The following PFKM variants were observed in gnomAD, a reference collection of about 807,000 sequenced individuals.
The protein encoded by PFKM is phosphofructokinase, muscle.
PFKM carries 58 observed loss-of-function variants against 95.5 expected under a neutral mutation model. The observed-to-expected ratio is 0.61, with a 90% CI of 0.49 to 0.76. PFKM has a LOEUF of 0.76. Among genes scored for constraint, PFKM ranks in the 30% least tolerant of loss-of-function variants. The pLI is 0.00. For missense variants in PFKM, 678 were observed against 1,005.4 expected (o/e 0.67, Z 4.40); for synonymous variants, 336 against 357.2 (o/e 0.94, Z 0.67).
chr12:48,124,736 T>A (rs1592672920), intron 2 of PFKM, among the ~76,000 whole-genome samples: 1 of 152,032 alleles, frequency 6.6e-6, no homozygotes, highest in South Asian at 2.1e-4. Context: ...CACCTGCAAA[T>A]CCCCATAACA....
At chr12:48,134,360 C>A in intron 7 of PFKM, 84 bp downstream of exon 7, 1 of 1,144,940 alleles carries the variant, frequency 8.7e-7, no homozygotes, top group Non-Finnish European at 1.3e-6. Context: ...TGAGGTCTCT[C>A]AGTAGCAGCA....
chr12:48,138,701 G>A lies in PFKM; in HGVS notation c.1063-584G>A, dbSNP rs571557922. On this transcript the variant is annotated intron_variant, in intron 11 of 22. Coordinates refer to ENST00000359794, the MANE Select transcript of PFKM (RefSeq NM_000289.6). ...CTGCTTTAAGGCCGGGGACCTGGGT[G>A]TGGAATGGAAGATACTATTTATCTG... 5.3e-5 allele frequency among the ~76,000 whole-genome samples: 8 copies of A among 152,306 alleles called. No homozygotes were observed. The South Asian group carries it at 6.2e-4, about 12-fold the overall frequency.
intron 11 of PFKM, among the ~76,000 whole-genome samples, chr12:48,138,783 G>A (rs1014829348): frequency 6.6e-6 from 1 of 152,146 alleles, no homozygotes; most frequent in African/African-American, 2.4e-5. Context: ...TGCCAGGCAC[G>A]GTGGCTCACG....
chr12:48,133,192 C>A, intron 5 of PFKM, 123 bp from the exon 6 acceptor site: 1 of 1,269,916 alleles, frequency 7.9e-7, no homozygotes, highest in Non-Finnish European at 1.1e-6. Context: ...GCAGTCTTTG[C>A]CCTCCTTTTT....
At position 48,134,283 on chromosome 12, in the gene PFKM, T is replaced by A. The variant is rs752651041; in HGVS notation, c.638+7T>A. 1 of 1,611,080 alleles carries A rather than the reference T, an allele frequency of 6.2e-7. No individual in the cohort carries two copies. The highest frequency in any genetic ancestry group is 1.7e-5 in the Admixed American group (1 of 60,026). On this transcript the variant is annotated splice_region_variant and intron_variant, in intron 7 of 22. Coordinates refer to ENST00000359794, the MANE Select transcript of PFKM (RefSeq NM_000289.6). ...TAATGGGCCGCCACTGTGGGTAAGATCCTCATTCTGACCCATTTATTCCGT... is the reference window on the plus strand; with the variant it reads ...TAATGGGCCGCCACTGTGGGTAAGAACCTCATTCTGACCCATTTATTCCGT...
intron 1 of PFKM, chr12:48,107,296 C>A (rs1946757634): frequency 1.1e-6 from 1 of 951,404 alleles, no homozygotes; most frequent in African/African-American, 1.6e-5. Context: ...TGTAGCTGGT[C>A]CATGTCAGTC....
At chr12:48,112,068 G>A (rs1323789663) in intron 3 of PFKM, among the ~76,000 whole-genome samples, 2 of 152,120 alleles carry the variant, frequency 1.3e-5, no homozygotes, top group Non-Finnish European at 2.9e-5. Context: ...AAGGCTACAG[G>A]GCGCGGTCCT....
intron 1 of PFKM, among the ~76,000 whole-genome samples, chr12:48,107,098 C>T (rs935083889): frequency 2.6e-5 from 4 of 152,168 alleles, no homozygotes; most frequent in African/African-American, 9.7e-5. Flanking sequence ...CAGCCACAGG[C>T]ACAGTCTGAG....
At chr12:48,105,819 A>G (rs1946510360), upstream of PFKM, 1 of 595,626 alleles carries the variant, frequency 1.7e-6, no homozygotes. Flanking sequence ...AGGTAGCCTA[A>G]CGGCCACCGG....
upstream of PFKM, chr12:48,119,362 A>C: frequency 2.0e-6 from 2 of 985,582 alleles, no homozygotes; most frequent in Non-Finnish European, 2.4e-6. Context: ...TTTCCCAAGG[A>C]CAATCTGCAA....
At chr12:48,144,781 A>G (rs1162591807) in intron 20 of PFKM, among the ~76,000 whole-genome samples, 1 of 152,212 alleles carries the variant, frequency 6.6e-6, no homozygotes, top group Non-Finnish European at 1.5e-5. Context: ...TGTGGAGCTA[A>G]AAGAGGGGAT....
rs1249205757 is a variant in PFKM, at chr12:48,139,273, C to T, written c.1063-12C>T. 2 of 1,611,024 alleles carry T rather than the reference C, an allele frequency of 1.2e-6. No homozygotes were observed. The highest frequency in any genetic ancestry group is 1.7e-5 in the Admixed American group (1 of 59,990). On this transcript the variant is annotated splice_polypyrimidine_tract_variant and intron_variant, in intron 11 of 22. Coordinates refer to ENST00000359794, the MANE Select transcript of PFKM (RefSeq NM_000289.6). The stretch of plus-strand genomic sequence containing the variant: ...CCCTGGAGTTGAAACTGTCGCTGTG[C>T]TCCCCCCTCAGACCAAAGATGTGAC...
chr12:48,118,821 G>T (rs1231523292), upstream of PFKM, among the ~76,000 whole-genome samples: 2 of 152,158 alleles, frequency 1.3e-5, no homozygotes, highest in African/African-American at 4.8e-5. Context: ...AAATGTAAAA[G>T]AAGTTTTTGA....
At chr12:48,134,118 A>G (rs1392167211) in intron 6 of PFKM, 114 bp from the exon 7 acceptor site, 1 of 861,366 alleles carries the variant, frequency 1.2e-6, no homozygotes, top group Non-Finnish European at 2.0e-6. Flanking sequence ...GCCTGCTAGA[A>G]GGCCTGGCAG....
upstream of PFKM, among the ~76,000 whole-genome samples, chr12:48,114,625 C>T (rs576679399): frequency 1.4e-4 from 21 of 152,052 alleles, no homozygotes; most frequent in South Asian, 1.2e-3. Context: ...GACTCAGCAA[C>T]GCTTGGGGTT....
Position 48,135,360 on chromosome 12 carries a change from C to T in PFKM, c.913C>T (p.Pro305Ser). 1 of 1,613,880 alleles carries T rather than the reference C, an allele frequency of 6.2e-7. No individual in the cohort carries two copies. Among genetic ancestry groups the T allele is most frequent in the Non-Finnish European group, 8.5e-7 (1 of 1,179,758 alleles). ...GGGGCATGTGCAGAGGGGTGGGACGCCATCAGCCTTTGACAGAATTCTGGT... is the reference window on the plus strand; with the variant it reads ...GGGGCATGTGCAGAGGGGTGGGACGTCATCAGCCTTTGACAGAATTCTGGT... The part of the protein sequence containing the change: ...VLGHVQRGGT[P>S]SAFDRILGSR... The change falls in exon 10 of 23, where the codon CCA (proline) becomes TCA (serine). Residue 305 changes from proline (P) to serine (S), a missense_variant. Coordinates refer to ENST00000359794, the MANE Select transcript of PFKM (RefSeq NM_000289.6).
intron 1 of PFKM, chr12:48,107,245 T>C (rs1288857062): frequency 8.9e-6 from 6 of 676,314 alleles, no homozygotes; most frequent in African/African-American, 1.8e-5. Context: ...GCTGATACTT[T>C]TATATTATAT....
rs370046842 is a variant in PFKM, at chr12:48,145,238, G to A, written c.2121G>A (p.Ser707=). Residue 707 remains serine (S), a synonymous_variant, in exon 22 of 23, where the codon TCG becomes TCA. Coordinates refer to ENST00000359794, the MANE Select transcript of PFKM (RefSeq NM_000289.6). The surrounding 1 kb of genome is among the most constrained non-coding windows in gnomAD (Gnocchi z 4.3). ...NGRIFANTPD[S]GCVLGMRKRA... ...GGATCTTTGCCAATACTCCAGATTC[G>A]GGCTGTGTTCTGGGGATGCGTAAGA... The A allele has an allele frequency of 2.4e-5, 39 of 1,613,926 alleles. 1 individual carries two copies. In the Admixed American group the frequency reaches 4.2e-4, roughly 17 times the overall value.
At chr12:48,120,182 C>T (rs1393173019) in intron 1 of PFKM, among the ~76,000 whole-genome samples, 1 of 152,154 alleles carries the variant, frequency 6.6e-6, no homozygotes, top group African/African-American at 2.4e-5. Flanking sequence ...ATGAACATTC[C>T]AGTTAAATAA....
Sources: allele counts gnomAD v4.1 joint callset (sites outside exome capture counted in the v4.1 genomes callset), GRCh38; gene constraint gnomAD v4.1.1; non-coding constraint Gnocchi (gnomAD v3.1); transcripts MANE v1.5; gene names NCBI Gene and HGNC (gene_info 2026-07-23, HGNC 2026-07-21).